RUNX1: variants seen among roughly 807,000 people sequenced by gnomAD.
The protein encoded by RUNX1 is runt-related transcription factor 1.
In RUNX1, 19 loss-of-function variants were observed where a neutral mutation model predicts 42.8. The ratio of observed to expected loss-of-function variants is 0.44; its 90% CI spans 0.31 to 0.65. RUNX1 has a LOEUF of 0.65. Ranked by LOEUF, RUNX1 falls within the 30% of genes least tolerant of loss-of-function variation. RUNX1 has a pLI of 0.07. For missense variants in RUNX1, 528 were observed against 672.0 expected (o/e 0.79, Z 2.37); for synonymous variants, 271 against 289.4 (o/e 0.94, Z 0.64).
In RUNX1 at chr21:34,788,363, T is replaced by C. The variant is rs183806560; in HGVS notation, c.*3772A>G. The C allele has an allele frequency of 4.3e-6, 1 of 233,470 alleles. No homozygotes were observed. The highest frequency in any genetic ancestry group is 6.1e-5 in the East Asian group (1 of 16,500). 14.5% of individuals were successfully genotyped at this position (233,470 alleles called of 1,614,324 possible). On this transcript the variant is annotated 3_prime_UTR_variant, in exon 9 of 9. Transcript: ENST00000675419. The stretch of plus-strand genomic sequence containing the variant: ...ACAAATAACCAACAGTTCTTTTTCT[T>C]TTTTTGCACATTCATTTCCCCTAGA...
At chr21:34,875,040 T>C (rs1284805824) in intron 5 of RUNX1, among the ~76,000 whole-genome samples, 1 of 152,234 alleles carries the variant, frequency 6.6e-6, no homozygotes, top group Non-Finnish European at 1.5e-5. Context: ...TAAAATATTG[T>C]TCATACAAAT....
At chr21:34,933,632 C>T in intron 2 of RUNX1, among the ~76,000 whole-genome samples, 1 of 152,140 alleles carries the variant, frequency 6.6e-6, no homozygotes, top group African/African-American at 2.4e-5. Context: ...GACCTATGTT[C>T]CTTTTGAAAT....
intron 2 of RUNX1, among the ~76,000 whole-genome samples, chr21:35,002,289 G>A (rs1178663613): frequency 1.3e-5 from 2 of 151,670 alleles, no homozygotes; most frequent in African/African-American, 2.4e-5. Context: ...CCTTCTCAGC[G>A]TGCCCCTCCT....
At chr21:34,896,612 G>A (rs1569092610) in intron 2 of RUNX1, among the ~76,000 whole-genome samples, 1 of 152,188 alleles carries the variant, frequency 6.6e-6, no homozygotes, top group East Asian at 1.9e-4. Context: ...GAACCCAGGA[G>A]GCGGAGGTTG....
chr21:34,894,215 C>T (rs955949573), intron 2 of RUNX1, among the ~76,000 whole-genome samples: 4 of 152,066 alleles, frequency 2.6e-5, no homozygotes, highest in African/African-American at 7.2e-5. Context: ...GCACACCCAG[C>T]GGAACCACGC....
At chr21:35,040,178 C>T (rs960997631) in intron 2 of RUNX1, among the ~76,000 whole-genome samples, 3 of 152,142 alleles carry the variant, frequency 2.0e-5, no homozygotes, top group African/African-American at 7.2e-5. Flanking sequence ...TGAAGCTGCC[C>T]AGATGCAGCC....
At position 34,822,375 on chromosome 21, in the gene RUNX1, A is replaced by G. The variant is rs540819721; in HGVS notation, c.805+12035T>C. On this transcript the variant is annotated intron_variant, in intron 7 of 8. Coordinates refer to ENST00000675419, the MANE Select transcript of RUNX1 (RefSeq NM_001754.5). ...TATAAATACGAGCTATCATTATTTT[A>G]TTACTCCCTTCAGTAAACATGTGAA... is the stretch of plus-strand genomic sequence containing the variant. Among the ~76,000 whole-genome samples the G allele has an allele frequency of 1.2e-3, 179 of 152,334 alleles. 2 individuals are homozygous for G. In the Middle Eastern group the frequency reaches 0.017, roughly 14 times the overall value.
In RUNX1 at chr21:34,822,578, G is replaced by A. The variant is rs750564917; in HGVS notation, c.805+11832C>T. The stretch of plus-strand genomic sequence containing the variant: ...GCCTTGTTGGACGACCAACAGAAGC[G>A]CATCTTAAAACTCAGGCAGTTATGG... On this transcript the variant is annotated intron_variant, in intron 7 of 8. Coordinates refer to ENST00000675419, the MANE Select transcript of RUNX1 (RefSeq NM_001754.5). Among the ~76,000 whole-genome samples the A allele has an allele frequency of 1.1e-4, 17 of 152,292 alleles. 1 individual carries two copies. The highest frequency in any genetic ancestry group is 3.3e-4 in the Admixed American group (5 of 15,294).
chr21:34,889,668 G>C (rs890665728), intron 3 of RUNX1: 156 of 1,144,430 alleles, frequency 1.4e-4, no homozygotes, highest in Non-Finnish European at 1.6e-4. Flanking sequence ...CCCCAGGTGC[G>C]GAACCCACCC....
At chr21:34,836,608 C>A (rs190883911) in intron 6 of RUNX1, among the ~76,000 whole-genome samples, 1 of 152,152 alleles carries the variant, frequency 6.6e-6, no homozygotes, top group Non-Finnish European at 1.5e-5. Flanking sequence ...CCTGGCATTA[C>A]GAGTTGGGGT....
intron 2 of RUNX1, among the ~76,000 whole-genome samples, chr21:34,975,151 T>G (rs1203978069): frequency 6.6e-6 from 1 of 152,226 alleles, no homozygotes; most frequent in African/African-American, 2.4e-5. Context: ...TAGTAAGTGG[T>G]GGAGGAAAAG....
intron 2 of RUNX1, among the ~76,000 whole-genome samples, chr21:35,022,196 G>A (rs989294932): frequency 6.3e-4 from 96 of 152,278 alleles, no homozygotes; most frequent in Non-Finnish European, 1.0e-3. Flanking sequence ...CAGCAGCACC[G>A]GGCAAAGGAA....
chr21:34,893,783 T>TAAA lies in RUNX1; in HGVS notation c.59-823_59-821dup, dbSNP rs545585960. Among the ~76,000 whole-genome samples, 536 of 149,092 alleles carry TAAA rather than the reference T, an allele frequency of 3.6e-3. 1 individual carries two copies. The highest frequency in any genetic ancestry group is 0.014 in the Middle Eastern group (4 of 288). ...ATTTAGTATGCTGTTTTTTTTTTTT[T>TAAA]AAAAAAAAACCTTTAAAATAAGAGG... On this transcript the variant is annotated intron_variant, in intron 2 of 8. Coordinates refer to ENST00000675419, the MANE Select transcript of RUNX1 (RefSeq NM_001754.5).
chr21:35,029,688 T>A (rs902827876), intron 2 of RUNX1, among the ~76,000 whole-genome samples: 1 of 152,166 alleles, frequency 6.6e-6, no homozygotes, highest in African/African-American at 2.4e-5. Flanking sequence ...GTGCTTAGCT[T>A]CTCTCTTAAG....
intron 8 of RUNX1, among the ~76,000 whole-genome samples, chr21:34,793,905 C>T (rs757039620): frequency 3.2e-4 from 48 of 152,042 alleles, no homozygotes; most frequent in African/African-American, 9.9e-4. Context: ...GATTTCACCA[C>T]GTTGGCTAGG....
At chr21:34,892,265 T>G (rs1392443487) in intron 3 of RUNX1, among the ~76,000 whole-genome samples, 1 of 152,236 alleles carries the variant, frequency 6.6e-6, no homozygotes, top group Non-Finnish European at 1.5e-5. Flanking sequence ...ACAAATCACC[T>G]GCCATACACA....
chr21:34,982,844 A>G (rs2058857828), intron 2 of RUNX1, among the ~76,000 whole-genome samples: 1 of 152,238 alleles, frequency 6.6e-6, no homozygotes, highest in Non-Finnish European at 1.5e-5. Flanking sequence ...CTGGGATTAC[A>G]GGTGTGAACC....
At chr21:34,840,100 G>A (rs991045378) in intron 6 of RUNX1, among the ~76,000 whole-genome samples, 16 of 152,182 alleles carry the variant, frequency 1.1e-4, no homozygotes, top group Admixed American at 5.2e-4. Context: ...CAGAGTCACT[G>A]TCATGATAAT....
At chr21:35,044,121 G>C (rs569683648) in intron 2 of RUNX1, among the ~76,000 whole-genome samples, 2 of 152,310 alleles carry the variant, frequency 1.3e-5, no homozygotes. Context: ...ACAAGGGAAG[G>C]AAGGCTGACC....
Sources: gnomAD v4.1 joint callset for allele counts (sites outside exome capture counted in the v4.1 genomes callset) on GRCh38, gnomAD v4.1.1 for gene constraint, MANE v1.5 for transcripts, NCBI Gene and HGNC (gene_info 2026-07-23, HGNC 2026-07-21) for gene names.